SLC35F4: variants seen among roughly 807,000 people sequenced by gnomAD.
The protein encoded by SLC35F4 is chromosome 14 open reading frame 36.
A neutral mutation model predicts 44.2 loss-of-function variants in SLC35F4; 24 were observed. The observed-to-expected ratio is 0.54, with a 90% CI of 0.39 to 0.76. The LOEUF is 0.76. SLC35F4 is among the 30% of genes least tolerant of loss of function. SLC35F4 has a pLI of 0.00. For synonymous variants in SLC35F4, 238 were observed against 223.6 expected, an observed-to-expected ratio of 1.06 and a Z score of -0.57; for missense variants, 562 against 586.1, an observed-to-expected ratio of 0.96 and a Z score of 0.42.
At chr14:57,706,965 A>T (rs933531208) in intron 1 of SLC35F4, among the ~76,000 whole-genome samples, 1 of 152,342 alleles carries the variant, frequency 6.6e-6, no homozygotes, top group South Asian at 2.1e-4. Context: ...GGTTAGATTA[A>T]TGAAGGCAAG....
intron 1 of SLC35F4, among the ~76,000 whole-genome samples, chr14:57,824,318 C>T (rs1191938518): frequency 6.6e-6 from 1 of 152,178 alleles, no homozygotes; most frequent in Non-Finnish European, 1.5e-5. Context: ...CAGCAATGTT[C>T]TAGACCCTGG....
At chr14:57,692,877 C>A (rs1204567521) in intron 1 of SLC35F4, among the ~76,000 whole-genome samples, 1 of 152,104 alleles carries the variant, frequency 6.6e-6, no homozygotes, top group Non-Finnish European at 1.5e-5. Context: ...ACAGGTGGAG[C>A]TAGTGTCCTA....
intron 1 of SLC35F4, among the ~76,000 whole-genome samples, chr14:57,722,445 G>A (rs1183171404): frequency 6.6e-6 from 1 of 152,178 alleles, no homozygotes; most frequent in Non-Finnish European, 1.5e-5. Flanking sequence ...CTTGACCAAT[G>A]CCTTGCAAAA....
chr14:57,835,287 A>C (rs1884805067), intron 1 of SLC35F4, among the ~76,000 whole-genome samples: 1 of 152,228 alleles, frequency 6.6e-6, no homozygotes, highest in African/African-American at 2.4e-5. Flanking sequence ...GTATGTCTCC[A>C]GTGAGTCCTT....
intron 1 of SLC35F4, among the ~76,000 whole-genome samples, chr14:57,725,888 A>G (rs1430480032): frequency 2.0e-5 from 3 of 152,232 alleles, no homozygotes; most frequent in African/African-American, 4.8e-5. Flanking sequence ...CTAGTGATTC[A>G]CTAGCAAAAT....
intron 1 of SLC35F4, among the ~76,000 whole-genome samples, chr14:57,897,553 G>A (rs1888898733): frequency 6.6e-6 from 1 of 151,886 alleles, no homozygotes; most frequent in African/African-American, 2.4e-5. Context: ...ACCCCAATGT[G>A]TGGCTCACAG....
At position 57,914,349 on chromosome 14, in the gene SLC35F4, G is replaced by A. The variant is rs575166031; in HGVS notation, n.282+67564C>T. The stretch of plus-strand genomic sequence containing the variant: ...GAGGCTGAGGTGGCCAGATCACAAG[G>A]TCAGGAGATTGAGACCATTCTGGCT... On this transcript the variant is annotated intron_variant and non_coding_transcript_variant, in intron 1 of 1. Transcript: ENST00000556568. 6.2e-4 allele frequency among the ~76,000 whole-genome samples: 95 copies of A among 152,094 alleles called. No homozygotes were observed. The South Asian group carries it at 0.016, about 26-fold the overall frequency.
rs574484473 is a variant in SLC35F4, at chr14:57,949,451, C to A, written n.282+32462G>T. 4.6e-5 allele frequency among the ~76,000 whole-genome samples: 7 copies of A among 152,234 alleles called. No individual in the cohort carries two copies. The East Asian group carries it at 1.3e-3, about 29-fold the overall frequency. The stretch of plus-strand genomic sequence containing the variant: ...CATTAGGTGAGTCTGTTGAAGACAG[C>A]AGATACTTGGTTGGTGAATTTTTAT... On this transcript the variant is annotated intron_variant and non_coding_transcript_variant, in intron 1 of 1. Transcript: ENST00000556568.
chr14:57,693,369 T>C (rs895891989), intron 1 of SLC35F4, among the ~76,000 whole-genome samples: 1 of 152,158 alleles, frequency 6.6e-6, no homozygotes, highest in African/African-American at 2.4e-5. Flanking sequence ...GACATGTTCG[T>C]GATGGCCATG....
At chr14:57,826,834 C>T (rs974230701) in intron 1 of SLC35F4, among the ~76,000 whole-genome samples, 1 of 151,932 alleles carries the variant, frequency 6.6e-6, no homozygotes, top group African/African-American at 2.4e-5. Flanking sequence ...GTGAGAATGG[C>T]AATTATTAAA....
intron 1 of SLC35F4, among the ~76,000 whole-genome samples, chr14:57,888,977 T>C (rs987105566): frequency 6.6e-6 from 1 of 152,370 alleles, no homozygotes; most frequent in East Asian, 1.9e-4. Flanking sequence ...GAGCCAGTCC[T>C]CATGCTAGTC....
chr14:57,824,025 G>C (rs1883458670), intron 1 of SLC35F4, among the ~76,000 whole-genome samples: 1 of 151,972 alleles, frequency 6.6e-6, no homozygotes, highest in Non-Finnish European at 1.5e-5. Context: ...AGGAAGTAAA[G>C]AACAATATTC....
chr14:57,776,170 T>C (rs533707925), intron 1 of SLC35F4, among the ~76,000 whole-genome samples: 1 of 152,154 alleles, frequency 6.6e-6, no homozygotes, highest in African/African-American at 2.4e-5. Flanking sequence ...AATCTATGAC[T>C]CACTGGTGTT....
At chr14:57,629,827 T>G in intron 1 of SLC35F4, 7 of 324,848 alleles carry the variant, frequency 2.2e-5, no homozygotes, top group East Asian at 7.9e-5. Context: ...GAAGTGGGAG[T>G]GGAGGATCGG....
intron 1 of SLC35F4, among the ~76,000 whole-genome samples, chr14:57,747,516 C>T (rs1016562801): frequency 6.6e-6 from 1 of 152,010 alleles, no homozygotes; most frequent in Non-Finnish European, 1.5e-5. Flanking sequence ...GTATTGTGAA[C>T]CCTAATGTAC....
intron 1 of SLC35F4, among the ~76,000 whole-genome samples, chr14:57,938,711 G>A (rs1889860627): frequency 6.6e-6 from 1 of 152,162 alleles, no homozygotes; most frequent in African/African-American, 2.4e-5. Flanking sequence ...ACTGGGTGGA[G>A]CCTGGGACTC....
At chr14:57,668,329 G>C (rs2074391125) in intron 1 of SLC35F4, among the ~76,000 whole-genome samples, 1 of 151,456 alleles carries the variant, frequency 6.6e-6, no homozygotes, top group Non-Finnish European at 1.5e-5. Context: ...AAGCTCTTTA[G>C]TTTAATTAGA....
At chr14:57,859,208 AT>A (rs1265459858) in intron 1 of SLC35F4, among the ~76,000 whole-genome samples, 7 of 152,188 alleles carry the variant, frequency 4.6e-5, no homozygotes, top group Non-Finnish European at 1.0e-4. Context: ...ACAACTAGTG[AT>A]TGGCGAAGTA....
At chr14:57,843,668 C>A (rs1885715613) in intron 1 of SLC35F4, among the ~76,000 whole-genome samples, 1 of 152,128 alleles carries the variant, frequency 6.6e-6, no homozygotes, top group Non-Finnish European at 1.5e-5. Context: ...TGAAGCATGG[C>A]TTATCCCCAT....
Sources: allele counts gnomAD v4.1 joint callset (sites outside exome capture counted in the v4.1 genomes callset), GRCh38; gene constraint gnomAD v4.1.1; transcripts MANE v1.5; gene names NCBI Gene and HGNC (gene_info 2026-07-23, HGNC 2026-07-21).